Variants in C12orf42 observed in about 807,000 individuals in gnomAD.
C12orf42 encodes the protein uncharacterized protein C12orf42.
C12orf42 carries 25 observed loss-of-function variants against 21.6 expected under a neutral mutation model. The observed-to-expected ratio is 1.16, with a 90% CI of 0.84 to 1.62. The LOEUF is 1.62. Ranked by LOEUF, C12orf42 falls within the 40% of genes most tolerant of loss-of-function variation. The pLI, the probability that C12orf42 is intolerant of heterozygous loss-of-function variation, is 0.00. For missense variants in C12orf42, 483 were observed against 459.3 expected (o/e 1.05, Z -0.47); for synonymous variants, 174 against 175.0 (o/e 0.99, Z 0.05).
At chr12:103,142,030 C>T in the C12orf42 span, among the ~76,000 whole-genome samples, 1 of 152,194 alleles carries the variant, frequency 6.6e-6, no homozygotes, top group Non-Finnish European at 1.5e-5. Flanking sequence ...TAAAAACATC[C>T]TAGACATTTA....
the C12orf42 span, among the ~76,000 whole-genome samples, chr12:103,541,393 G>A: frequency 6.6e-6 from 1 of 152,088 alleles, no homozygotes; most frequent in African/African-American, 2.4e-5. Flanking sequence ...TATGAAAGTG[G>A]TCCCATAAGA....
chr12:103,407,556 A>C, intron 2 of C12orf42, among the ~76,000 whole-genome samples: 1 of 152,138 alleles, frequency 6.6e-6, no homozygotes, highest in East Asian at 1.9e-4. Context: ...TCTCTATCTT[A>C]CTTTAAGAAT....
chr12:103,235,355 C>T (rs1266031292), downstream of C12orf42, among the ~76,000 whole-genome samples: 1 of 152,104 alleles, frequency 6.6e-6, no homozygotes, highest in Non-Finnish European at 1.5e-5. Flanking sequence ...GTCAAGAAAA[C>T]TATAACCTAA....
chr12:103,081,129 T>C, the C12orf42 span: 1 of 152,216 alleles, frequency 6.6e-6, no homozygotes, highest in Non-Finnish European at 1.5e-5. Context: ...ACTTGGTAAA[T>C]CCCCTTCTTC....
At chr12:103,493,919 T>C (rs907955422) in intron 1 of C12orf42, among the ~76,000 whole-genome samples, 6 of 152,200 alleles carry the variant, frequency 3.9e-5, no homozygotes, top group African/African-American at 7.2e-5. Flanking sequence ...TCTAACTTCA[T>C]CTTCAAGATA....
chr12:103,337,587 C>T (rs529399381), intron 4 of C12orf42, among the ~76,000 whole-genome samples: 89 of 152,246 alleles, frequency 5.8e-4, no homozygotes, highest in Non-Finnish European at 1.0e-3. Context: ...CTCCTGATCT[C>T]GTGATCTGCC....
At chr12:103,459,979 G>A (rs11111590) in intron 2 of C12orf42, among the ~76,000 whole-genome samples, 27,677 of 152,042 alleles carry the variant, frequency 0.18, 2,724 homozygotes, top group African/African-American at 0.26. Context: ...TCTACCCAGA[G>A]CCTCCTCCTA....
chr12:103,313,950 A>G (rs534623423), intron 4 of C12orf42, among the ~76,000 whole-genome samples: 60 of 152,348 alleles, frequency 3.9e-4, no homozygotes, highest in African/African-American at 1.4e-3. Context: ...AGGCGGCAAA[A>G]GCAGGCCACA....
chr12:103,283,938 C>T (rs537671216), intron 4 of C12orf42, among the ~76,000 whole-genome samples: 29 of 152,296 alleles, frequency 1.9e-4, no homozygotes, highest in African/African-American at 7.0e-4. Context: ...ATATTTTGTT[C>T]AAAGACCACT....
chr12:103,140,599 G>T, the C12orf42 span, among the ~76,000 whole-genome samples: 1 of 152,182 alleles, frequency 6.6e-6, no homozygotes, highest in African/African-American at 2.4e-5. Flanking sequence ...GAAACAGGGA[G>T]GGGGAGAGCA....
At chr12:103,062,169 G>T in the C12orf42 span, among the ~76,000 whole-genome samples, 1 of 151,036 alleles carries the variant, frequency 6.6e-6, no homozygotes, top group Non-Finnish European at 1.5e-5. Flanking sequence ...TTTATTATTT[G>T]TTCTATTATT....
chr12:103,095,642 T>G, the C12orf42 span, among the ~76,000 whole-genome samples: 18 of 152,320 alleles, frequency 1.2e-4, no homozygotes, highest in African/African-American at 3.4e-4. Flanking sequence ...TATGAGAATT[T>G]TATTTTTCTG....
At chr12:103,422,454 GA>G (rs1311072901) in intron 2 of C12orf42, among the ~76,000 whole-genome samples, 1 of 152,214 alleles carries the variant, frequency 6.6e-6, no homozygotes, top group Admixed American at 6.5e-5. Context: ...CGCCACAGAG[GA>G]AAAGTGTGGA....
At chr12:103,469,003 G>A (rs759724732) in intron 2 of C12orf42, among the ~76,000 whole-genome samples, 2 of 152,194 alleles carry the variant, frequency 1.3e-5, no homozygotes, top group East Asian at 1.9e-4. Context: ...GGCCTTGGGC[G>A]GCCTAGTGCC....
chr12:103,378,407 C>T (rs1345930513), intron 3 of C12orf42, among the ~76,000 whole-genome samples: 1 of 152,108 alleles, frequency 6.6e-6, no homozygotes, highest in Non-Finnish European at 1.5e-5. Flanking sequence ...CCAGGATCAC[C>T]ATAGGCACCA....
chr12:103,164,769 C>G, the C12orf42 span: 1 of 451,300 alleles, frequency 2.2e-6, no homozygotes, highest in Non-Finnish European at 4.5e-6. Flanking sequence ...CAAGAGTAGG[C>G]TTTGATTCTG....
the C12orf42 span, among the ~76,000 whole-genome samples, chr12:103,051,506 G>C: frequency 6.6e-6 from 1 of 152,166 alleles, no homozygotes; most frequent in Non-Finnish European, 1.5e-5. Flanking sequence ...TTACTTTTCT[G>C]AACTCCCTAG....
chr12:103,298,745 C>A (rs1170354391), downstream of C12orf42, among the ~76,000 whole-genome samples: 1 of 152,154 alleles, frequency 6.6e-6, no homozygotes, highest in Non-Finnish European at 1.5e-5. Context: ...CTTAATCCTC[C>A]CTCTACAACA....
At chr12:103,468,680 A>C (rs1230951177) in intron 2 of C12orf42, among the ~76,000 whole-genome samples, 1 of 152,150 alleles carries the variant, frequency 6.6e-6, no homozygotes, top group African/African-American at 2.4e-5. Flanking sequence ...TGCTGCTTAC[A>C]AAAGTTGTGC....
Sources: allele counts gnomAD v4.1 joint callset (sites outside exome capture counted in the v4.1 genomes callset), GRCh38; gene constraint gnomAD v4.1.1; transcripts MANE v1.5; gene names NCBI Gene and HGNC (gene_info 2026-07-23, HGNC 2026-07-21).